Variants in GPHN observed in about 807,000 individuals in gnomAD.
GPHN encodes gephyrin.
Under a neutral mutation model 95.5 loss-of-function variants are expected in GPHN, and 17 were observed. The observed-to-expected ratio is 0.18, with a 90% CI of 0.12 to 0.27. The LOEUF is 0.27. GPHN is among the 10% of genes least tolerant of loss of function. GPHN has a pLI of 1.00. For synonymous variants in GPHN, 320 were observed against 322.5 expected, an observed-to-expected ratio of 0.99 and a Z score of 0.08; for missense variants, 660 against 978.1, an observed-to-expected ratio of 0.67 and a Z score of 4.34.
chr14:67,290,813 A>G, the GPHN span, among the ~76,000 whole-genome samples: 3 of 152,124 alleles, frequency 2.0e-5, no homozygotes, highest in African/African-American at 7.2e-5. Flanking sequence ...GGGGTTACAG[A>G]CCTGAGCCAC....
chr14:67,418,827 T>C, the GPHN span, among the ~76,000 whole-genome samples: 1 of 152,174 alleles, frequency 6.6e-6, no homozygotes. Context: ...GGGTGCCCTC[T>C]CCCTGTCATT....
rs887235835 is a variant in GPHN at position 66,508,194 on chromosome 14, G to A, written c.-334G>A. 3 of 498,248 alleles carry A rather than the reference G, an allele frequency of 6.0e-6. No homozygotes were observed. The highest frequency in any genetic ancestry group is 7.2e-5 in the East Asian group (2 of 27,668). The allele number at this position is 498,248 out of a possible 1,614,324, so 30.9% of individuals were successfully genotyped here. A position where few individuals can be genotyped will look rare whatever the true frequency, so the allele number is the denominator to read the frequency against. ...CTAGCTGCCTTGGGTCTCGCGCTCC[G>A]CAGAGCGTTCCGACACTCTCCGGCC... On this transcript the variant is annotated 5_prime_UTR_variant, in exon 1 of 23. Transcript: ENST00000478722.
intron 1 of GPHN, among the ~76,000 whole-genome samples, chr14:66,678,512 A>G (rs1240657609): frequency 1.3e-5 from 2 of 148,724 alleles, no homozygotes; most frequent in African/African-American, 5.0e-5. Flanking sequence ...TATATTTTCT[A>G]TCTGTGTTCT....
chr14:67,310,038 T>TA, the GPHN span, among the ~76,000 whole-genome samples: 2 of 150,840 alleles, frequency 1.3e-5, no homozygotes, highest in African/African-American at 4.9e-5. Flanking sequence ...CTAGAAGTAT[T>TA]ATTGATAGGA....
intron 17 of GPHN, among the ~76,000 whole-genome samples, chr14:67,129,828 G>A (rs1237303395): frequency 7.2e-6 from 1 of 138,860 alleles, no homozygotes; most frequent in Non-Finnish European, 1.6e-5. Flanking sequence ...GGAAGGAAGG[G>A]AGAGGGAGGG....
intron 18 of GPHN, among the ~76,000 whole-genome samples, chr14:67,153,127 C>G (rs2081378775): frequency 6.6e-6 from 1 of 152,058 alleles, no homozygotes; most frequent in South Asian, 2.1e-4. Context: ...GGCAAAATCC[C>G]CTCTCTACAA....
intron 17 of GPHN, among the ~76,000 whole-genome samples, chr14:67,140,644 A>T (rs2080400747): frequency 6.6e-6 from 1 of 152,168 alleles, no homozygotes; most frequent in Non-Finnish European, 1.5e-5. Flanking sequence ...TTACCCAGTC[A>T]GTATTTTGAA....
chr14:67,486,060 G>T, the GPHN span, among the ~76,000 whole-genome samples: 3 of 152,206 alleles, frequency 2.0e-5, no homozygotes, highest in Admixed American at 1.3e-4. Context: ...GAAGCCTGAC[G>T]GCCAAAGTAG....
chr14:67,568,913 T>C, the GPHN span: 1 of 525,596 alleles, frequency 1.9e-6, no homozygotes, highest in South Asian at 2.3e-5. Flanking sequence ...TGTTAAGTAT[T>C]TCATTGATTC....
At chr14:66,614,292 G>A (rs1268750655) in intron 1 of GPHN, among the ~76,000 whole-genome samples, 4 of 152,056 alleles carry the variant, frequency 2.6e-5, no homozygotes, top group Non-Finnish European at 5.9e-5. Flanking sequence ...CAGATCAAAC[G>A]AGTAAGAGGT....
chr14:66,706,850 A>G (rs2069118300), intron 2 of GPHN, among the ~76,000 whole-genome samples: 1 of 152,196 alleles, frequency 6.6e-6, no homozygotes, highest in South Asian at 2.1e-4. Context: ...GCACAGCAAA[A>G]GAAACTATCC....
the GPHN span, among the ~76,000 whole-genome samples, chr14:67,195,051 G>A: frequency 6.6e-6 from 1 of 152,186 alleles, no homozygotes. Context: ...GGGGTGAGGG[G>A]TGTAGTGCAC....
the GPHN span, among the ~76,000 whole-genome samples, chr14:67,669,882 T>C: frequency 6.6e-6 from 1 of 152,080 alleles, no homozygotes; most frequent in Non-Finnish European, 1.5e-5. Flanking sequence ...GGTGGATCAC[T>C]TAAGCCCAGG....
At chr14:67,493,974 C>A in the GPHN span, among the ~76,000 whole-genome samples, 231 of 152,042 alleles carry the variant, frequency 1.5e-3, no homozygotes, top group African/African-American at 5.4e-3. Flanking sequence ...TCCATCTGAA[C>A]CAATCGGTAC....
At chr14:66,875,948 A>G (rs1355963577) in intron 4 of GPHN, among the ~76,000 whole-genome samples, 3 of 152,230 alleles carry the variant, frequency 2.0e-5, no homozygotes, top group Non-Finnish European at 2.9e-5. Flanking sequence ...AACAGAATGT[A>G]CATTCTTCTG....
At chr14:67,302,114 C>T in the GPHN span, 4 of 1,599,606 alleles carry the variant, frequency 2.5e-6, no homozygotes, top group East Asian at 2.3e-5. Flanking sequence ...CGTGATATTC[C>T]GTTGGTAAGT....
the GPHN span, among the ~76,000 whole-genome samples, chr14:67,315,554 G>A: frequency 1.3e-5 from 2 of 152,166 alleles, no homozygotes; most frequent in South Asian, 4.1e-4. Flanking sequence ...GGGATTACAG[G>A]CATAAGCCAC....
At chr14:66,642,800 T>C (rs2064498298) in intron 1 of GPHN, among the ~76,000 whole-genome samples, 1 of 152,040 alleles carries the variant, frequency 6.6e-6, no homozygotes, top group Admixed American at 6.5e-5. Flanking sequence ...TTCAATATCC[T>C]TATAGAAAAT....
the GPHN span, chr14:67,254,263 A>G: frequency 1.3e-5 from 2 of 148,818 alleles, no homozygotes; most frequent in African/African-American, 4.9e-5. Context: ...GACAATGACT[A>G]TCCAAGTTTT....
Sources: gnomAD v4.1 joint callset for allele counts (sites outside exome capture counted in the v4.1 genomes callset) on GRCh38, gnomAD v4.1.1 for gene constraint, MANE v1.5 for transcripts, NCBI Gene and HGNC (gene_info 2026-07-23, HGNC 2026-07-21) for gene names.